The following PCDHA10 variants were observed in gnomAD, a reference collection of about 807,000 sequenced individuals.
The protein encoded by PCDHA10 is protocadherin alpha-10.
PCDHA10 carries 45 observed loss-of-function variants against 61.2 expected under a neutral mutation model. That is an observed-to-expected ratio of 0.74 (90% CI 0.58 to 0.94). The LOEUF is 0.94. Ranked by LOEUF, PCDHA10 falls within the 40% of genes least tolerant of loss-of-function variation. The pLI is 0.00. For synonymous variants in PCDHA10, 602 were observed against 548.8 expected, an observed-to-expected ratio of 1.10 and a Z score of -1.35; for missense variants, 1,278 against 1,236.2, an observed-to-expected ratio of 1.03 and a Z score of -0.51.
At chr5:140,881,579 C>A (rs1299755224) in intron 1 of PCDHA10, among the ~76,000 whole-genome samples, 1 of 152,168 alleles carries the variant, frequency 6.6e-6, no homozygotes, top group Non-Finnish European at 1.5e-5. Context: ...TCTCAAGTCA[C>A]ATTGAGGGAA....
chr5:140,981,787 T>C (rs2096951436), intron 2 of PCDHA10, among the ~76,000 whole-genome samples: 1 of 152,116 alleles, frequency 6.6e-6, no homozygotes, highest in Non-Finnish European at 1.5e-5. Flanking sequence ...CCATGTTCTC[T>C]TTTCCCTTGA....
intron 3 of PCDHA10, among the ~76,000 whole-genome samples, chr5:141,002,613 A>G (rs1587992392): frequency 1.3e-5 from 2 of 152,206 alleles, no homozygotes; most frequent in African/African-American, 4.8e-5. Context: ...AAACAGACAC[A>G]TAACACAGAC....
At chr5:140,877,030 C>G (rs1554169262) in intron 1 of PCDHA10, 5 of 1,612,300 alleles carry the variant, frequency 3.1e-6, no homozygotes, top group Non-Finnish European at 3.4e-6. Context: ...GGTGTACGCG[C>G]TGCAGCCGCT....
intron 1 of PCDHA10, chr5:140,870,676 G>T: frequency 6.2e-7 from 1 of 1,612,702 alleles, no homozygotes. Flanking sequence ...GTTGGACCAC[G>T]AGGAGCTGGA....
At chr5:140,926,362 C>G (rs1199629040) in intron 1 of PCDHA10, 4 of 152,268 alleles carry the variant, frequency 2.6e-5, no homozygotes, top group African/African-American at 9.7e-5. Context: ...TCCCAAAGGG[C>G]GGCAGGAAGA....
Position 141,010,391 on chromosome 5 carries a change from C to T in PCDHA10, c.*454C>T, listed in dbSNP as rs976643195. The T allele has an allele frequency of 2.2e-5, 30 of 1,386,642 alleles. No homozygotes were observed. Among genetic ancestry groups the T allele is most frequent in the South Asian group, 2.9e-5 (2 of 68,924 alleles). The allele number at this position is 1,386,642 out of a possible 1,614,324, so 85.9% of individuals were successfully genotyped here. A position where few individuals can be genotyped will look rare whatever the true frequency, so the allele number is the denominator to read the frequency against. The stretch of plus-strand genomic sequence containing the variant: ...TGCGAGTGCCAGATATTGGCTGAGA[C>T]GAGCCAGCTTAGACTAATTGGTACA... On this transcript the variant is annotated 3_prime_UTR_variant, in exon 4 of 4. Transcript: ENST00000307360.
intron 3 of PCDHA10, among the ~76,000 whole-genome samples, chr5:140,989,845 T>C (rs1180098230): frequency 2.6e-5 from 4 of 152,118 alleles, no homozygotes; most frequent in Non-Finnish European, 5.9e-5. Flanking sequence ...AATGAGTGTG[T>C]GGACTGGAGA....
At chr5:140,983,517 G>A (rs1475712929) in intron 3 of PCDHA10, among the ~76,000 whole-genome samples, 2 of 152,196 alleles carry the variant, frequency 1.3e-5, no homozygotes, top group African/African-American at 4.8e-5. Flanking sequence ...TAGACACTGT[G>A]CCAAGTACAT....
chr5:140,978,642 C>T (rs140934683), intron 1 of PCDHA10, among the ~76,000 whole-genome samples: 126 of 152,354 alleles, frequency 8.3e-4, no homozygotes, highest in African/African-American at 2.8e-3. Context: ...TCAAAGCAGA[C>T]TGTTCTTCCC....
rs782184518 is a variant in PCDHA10 at position 140,875,731 on chromosome 5, A to G, written c.2388+17295A>G. On this transcript the variant is annotated intron_variant, in intron 1 of 3. Transcript: ENST00000307360. ...TCTGCAGAATGGCATTTTGTTTGTG[A>G]ATTCTCGGATCGACCGCGAGAAGCT... The G allele has an allele frequency of 1.2e-6, 2 of 1,614,032 alleles. No individual in the cohort carries two copies. Among genetic ancestry groups the G allele is most frequent in the African/African-American group, 2.7e-5 (2 of 74,906 alleles).
rs2098415068 is a variant in PCDHA10, at chr5:141,009,865, AAAG to A, written c.2782_2784del (p.Lys928del). The A allele has an allele frequency of 3.1e-6, 5 of 1,614,074 alleles. No homozygotes were observed. The highest frequency in any genetic ancestry group is 4.5e-5 in the East Asian group (2 of 44,872). On this transcript the variant is annotated inframe_deletion, in exon 4 of 4. Transcript: ENST00000307360. ...AGGAGGAGACCAAGAAAAAGAAGAA[AAAG>A]AAGAAGGGTAACAAGACCCAGGAGA...
At chr5:140,865,903 A>G (rs2049042220) in intron 1 of PCDHA10, 1 of 152,134 alleles carries the variant, frequency 6.6e-6, no homozygotes, top group Non-Finnish European at 1.5e-5. Flanking sequence ...GTACAGGCAA[A>G]TCTTTCTTTC....
At chr5:140,870,426 C>G (rs574302735) in intron 1 of PCDHA10, 1 of 1,614,208 alleles carries the variant, frequency 6.2e-7, no homozygotes, top group African/African-American at 1.3e-5. Flanking sequence ...CCAGGGTATC[C>G]GTGGAGGTGG....
At chr5:140,946,631 T>TATATATACAC (rs57893927) in intron 1 of PCDHA10, among the ~76,000 whole-genome samples, 11,667 of 131,732 alleles carry the variant, frequency 0.089, 743 homozygotes, top group Middle Eastern at 0.14. Context: ...TATATATATA[T>TATATATACAC]ACAATGGAAT....
intron 1 of PCDHA10, among the ~76,000 whole-genome samples, chr5:140,936,969 A>G (rs1391736933): frequency 2.0e-5 from 3 of 152,202 alleles, no homozygotes; most frequent in African/African-American, 7.2e-5. Context: ...ATCTATAAAA[A>G]TATGAAGCTT....
chr5:140,872,203 T>C (rs2053540668), intron 1 of PCDHA10, among the ~76,000 whole-genome samples: 1 of 152,208 alleles, frequency 6.6e-6, no homozygotes, highest in Non-Finnish European at 1.5e-5. Context: ...CATCATAAAT[T>C]CATTATATAT....
intron 1 of PCDHA10, among the ~76,000 whole-genome samples, chr5:140,978,085 C>T (rs1056593415): frequency 2.2e-4 from 33 of 152,186 alleles, no homozygotes; most frequent in African/African-American, 8.0e-4. Flanking sequence ...AGCTTCTAAC[C>T]AGCACATAAC....
chr5:140,986,218 T>A (rs2153838096), intron 3 of PCDHA10, among the ~76,000 whole-genome samples: 1 of 152,304 alleles, frequency 6.6e-6, no homozygotes, highest in Non-Finnish European at 1.5e-5. Flanking sequence ...GGCCCCTTTC[T>A]CTAGCCTCCC....
intron 1 of PCDHA10, among the ~76,000 whole-genome samples, chr5:140,880,576 A>G (rs1274181037): frequency 6.6e-6 from 1 of 152,216 alleles, no homozygotes; most frequent in African/African-American, 2.4e-5. Flanking sequence ...ATTTGAGAAG[A>G]GAGGAAAGAG....
Sources: gnomAD v4.1 joint callset for allele counts (sites outside exome capture counted in the v4.1 genomes callset) on GRCh38, gnomAD v4.1.1 for gene constraint, MANE v1.5 for transcripts, NCBI Gene and HGNC (gene_info 2026-07-23, HGNC 2026-07-21) for gene names.